The following TENM3 variants were observed in gnomAD, a reference collection of about 807,000 sequenced individuals.
TENM3 encodes teneurin transmembrane protein 3, also known as teneurin-3.
TENM3 carries 63 observed loss-of-function variants against 255.1 expected under a neutral mutation model. The ratio of observed to expected loss-of-function variants is 0.25; its 90% confidence interval spans 0.20 to 0.30. The LOEUF is 0.30. TENM3 is among the 10% of genes least tolerant of loss of function. TENM3 has a pLI of 1.00. For missense variants in TENM3, 2,929 were observed against 3,461.1 expected (o/e 0.85, Z 3.86); for synonymous variants, 1,306 against 1,322.3 (o/e 0.99, Z 0.27).
At chr4:181,603,368 C>T in the TENM3 span, among the ~76,000 whole-genome samples, 3 of 151,940 alleles carry the variant, frequency 2.0e-5, no homozygotes, top group Non-Finnish European at 2.9e-5. Context: ...ACTATCAACC[C>T]GAAAGCATGA....
intron 1 of TENM3, among the ~76,000 whole-genome samples, chr4:182,302,216 C>T (rs757404353): frequency 3.3e-5 from 5 of 152,276 alleles, no homozygotes; most frequent in African/African-American, 7.2e-5. Context: ...CTCATTTTCA[C>T]GCCCCACCCC....
At chr4:182,168,160 G>A (rs1751847795) in intron 1 of TENM3, among the ~76,000 whole-genome samples, 1 of 151,090 alleles carries the variant, frequency 6.6e-6, no homozygotes, top group African/African-American at 2.4e-5. Flanking sequence ...TTCGAGACAG[G>A]GTCTCACTGC....
chr4:181,470,127 A>AAAAAAAAAAAAAAAG, the TENM3 span, among the ~76,000 whole-genome samples: 1 of 138,958 alleles, frequency 7.2e-6, no homozygotes, highest in African/African-American at 2.7e-5. Flanking sequence ...AAAAAAAAAC[A>AAAAAAAAAAAAAAAG]TTATTCAAAA....
chr4:181,620,842 C>T, the TENM3 span, among the ~76,000 whole-genome samples: 5 of 152,016 alleles, frequency 3.3e-5, no homozygotes, highest in East Asian at 9.6e-4. Flanking sequence ...TATTATGTAT[C>T]CTAACTATTT....
chr4:181,785,217 A>C, the TENM3 span, among the ~76,000 whole-genome samples: 1 of 152,182 alleles, frequency 6.6e-6, no homozygotes, highest in Non-Finnish European at 1.5e-5. Context: ...AAGTAGATGC[A>C]TAGATAGATG....
chr4:182,746,226 G>A (rs779931780), intron 19 of TENM3, among the ~76,000 whole-genome samples: 3 of 152,098 alleles, frequency 2.0e-5, no homozygotes, highest in Admixed American at 6.6e-5. Flanking sequence ...CCCGTGGTCC[G>A]TGGTTTCAAA....
chr4:182,166,325 T>C (rs1333046222), intron 1 of TENM3, among the ~76,000 whole-genome samples: 5 of 152,160 alleles, frequency 3.3e-5, no homozygotes, highest in Non-Finnish European at 5.9e-5. Context: ...GCATTGACGA[T>C]ATGATTGAGG....
At chr4:182,227,351 T>C (rs947737863) in intron 1 of TENM3, among the ~76,000 whole-genome samples, 4 of 152,164 alleles carry the variant, frequency 2.6e-5, no homozygotes, top group African/African-American at 9.7e-5. Flanking sequence ...AGGGTCCCTG[T>C]GACTTCCTGG....
intron 3 of TENM3, among the ~76,000 whole-genome samples, chr4:182,591,227 C>T (rs1403139180): frequency 1.3e-5 from 2 of 151,918 alleles, no homozygotes; most frequent in Non-Finnish European, 2.9e-5. Context: ...ATAGAAAGTA[C>T]AGTAGAATCT....
intron 1 of TENM3, among the ~76,000 whole-genome samples, chr4:182,296,203 T>C (rs145986981): frequency 6.6e-6 from 1 of 152,302 alleles, no homozygotes; most frequent in East Asian, 1.9e-4. Context: ...CCTCAGATGA[T>C]TCGCCCACCT....
chr4:181,586,803 G>C, the TENM3 span, among the ~76,000 whole-genome samples: 14 of 152,084 alleles, frequency 9.2e-5, no homozygotes, highest in African/African-American at 3.4e-4. Flanking sequence ...TCGCACCACT[G>C]CACTCCAGCC....
At chr4:182,170,963 C>A (rs1752066106) in intron 1 of TENM3, among the ~76,000 whole-genome samples, 1 of 151,972 alleles carries the variant, frequency 6.6e-6, no homozygotes, top group African/African-American at 2.4e-5. Flanking sequence ...GGTAGTTTTG[C>A]ATGGCAAAAT....
At chr4:182,449,228 G>GGCTC (rs1773246072) in intron 3 of TENM3, 4 of 49,808 alleles carry the variant, frequency 8.0e-5, no homozygotes, top group Admixed American at 7.5e-4. Flanking sequence ...CGGCGGCGGC[G>GGCTC]GCTCCGCTCT....
the TENM3 span, among the ~76,000 whole-genome samples, chr4:182,036,963 A>C: frequency 2.6e-5 from 4 of 152,176 alleles, no homozygotes; most frequent in Admixed American, 1.3e-4. Flanking sequence ...AAACTGCCCT[A>C]AACTCTTAAA....
At chr4:182,164,452 C>T (rs1751573845) in intron 1 of TENM3, among the ~76,000 whole-genome samples, 1 of 152,174 alleles carries the variant, frequency 6.6e-6, no homozygotes, top group South Asian at 2.1e-4. Flanking sequence ...CTAGTCCAAG[C>T]TCCCTTGGCA....
chr4:181,682,845 G>T, the TENM3 span, among the ~76,000 whole-genome samples: 1 of 152,030 alleles, frequency 6.6e-6, no homozygotes, highest in East Asian at 1.9e-4. Flanking sequence ...TTCATGTTAC[G>T]GTCAGGCACA....
At chr4:182,284,384 T>G (rs1760596852) in intron 1 of TENM3, among the ~76,000 whole-genome samples, 1 of 152,226 alleles carries the variant, frequency 6.6e-6, no homozygotes. Flanking sequence ...TTTTTAAAAA[T>G]GTGGGTAATA....
chr4:182,765,328 AAAGAC>A (rs1763611335), intron 22 of TENM3, among the ~76,000 whole-genome samples: 1 of 152,186 alleles, frequency 6.6e-6, no homozygotes, highest in Non-Finnish European at 1.5e-5. Context: ...CTTCATAATA[AAAGAC>A]AACAGCTGTG....
the TENM3 span, among the ~76,000 whole-genome samples, chr4:182,015,421 TTC>T: frequency 6.6e-6 from 1 of 152,218 alleles, no homozygotes; most frequent in Admixed American, 6.5e-5. Flanking sequence ...ATCTTAGCTT[TTC>T]TCTGTTTGGA....
Sources: allele counts gnomAD v4.1 joint callset (sites outside exome capture counted in the v4.1 genomes callset), GRCh38; gene constraint gnomAD v4.1.1; transcripts MANE v1.5; gene names NCBI Gene and HGNC (gene_info 2026-07-23, HGNC 2026-07-21).